The following SUDS3 variants were observed in gnomAD, a reference collection of about 807,000 sequenced individuals.
The protein encoded by SUDS3 is sin3 histone deacetylase corepressor complex component SDS3.
In SUDS3, 23 loss-of-function variants were observed where a neutral mutation model predicts 53.5. That is an observed-to-expected ratio of 0.43 (90% CI 0.31 to 0.61). The LOEUF is 0.61. Among genes scored for constraint, SUDS3 ranks in the 20% least tolerant of loss-of-function variants. The pLI is 0.10. For synonymous variants in SUDS3, 150 were observed against 148.5 expected (o/e 1.01, Z -0.08); for missense variants, 291 against 405.9 (o/e 0.72, Z 2.43).
intron 6 of SUDS3, among the ~76,000 whole-genome samples, chr12:118,398,188 C>G (rs1486916810): frequency 1.3e-5 from 2 of 152,188 alleles, no homozygotes; most frequent in Non-Finnish European, 2.9e-5. Flanking sequence ...AGGCACTGTG[C>G]TAAGATTTCA....
chr12:118,406,956 G>C (rs2046313907), intron 10 of SUDS3, among the ~76,000 whole-genome samples: 2 of 151,186 alleles, frequency 1.3e-5, no homozygotes, highest in African/African-American at 4.9e-5. Flanking sequence ...GCATGCAGTG[G>C]TGTGATCATA....
At chr12:118,394,562 G>T (rs538090314) in intron 6 of SUDS3, among the ~76,000 whole-genome samples, 1 of 152,352 alleles carries the variant, frequency 6.6e-6, no homozygotes, top group East Asian at 1.9e-4. Context: ...GATAAAGTCT[G>T]TGTCTTCTAG....
chr12:118,403,823 C>T (rs2046286459), intron 10 of SUDS3, among the ~76,000 whole-genome samples: 1 of 152,026 alleles, frequency 6.6e-6, no homozygotes, highest in African/African-American at 2.4e-5. Flanking sequence ...TGTATGTCCC[C>T]CCTCTGACCC....
At chr12:118,378,769 G>A (rs1049356050) in intron 1 of SUDS3, among the ~76,000 whole-genome samples, 3 of 152,036 alleles carry the variant, frequency 2.0e-5, no homozygotes, top group Non-Finnish European at 2.9e-5. Context: ...TCTGCCTCCC[G>A]AGTTCAAGCA....
chr12:118,380,286 A>G (rs1433990105), intron 2 of SUDS3, 55 bp downstream of exon 2: 18 of 1,461,434 alleles, frequency 1.2e-5, no homozygotes, highest in Non-Finnish European at 1.7e-5. Context: ...ACATCTTTAT[A>G]TAGATTGAGC....
chr12:118,403,972 G>A (rs77734005), intron 10 of SUDS3: 1,778 of 166,994 alleles, frequency 0.011, 29 homozygotes, highest in African/African-American at 0.04. Flanking sequence ...TGGGTCCTGC[G>A]ATATGCTAAT....
In SUDS3 at chr12:118,414,527, C is replaced by T; in HGVS notation, c.*94C>T. 9.9e-7 allele frequency: 1 copy of T among 1,005,238 alleles called. No individual in the cohort carries two copies. The highest frequency in any genetic ancestry group is 1.4e-6 in the Non-Finnish European group (1 of 705,162). The allele number at this position is 1,005,238 out of a possible 1,614,324, so 62.3% of individuals were successfully genotyped here. A position where few individuals can be genotyped will look rare whatever the true frequency, so the allele number is the denominator to read the frequency against. ...TCCTTAATAGAAAAATGTTAACTTA[C>T]TGGGAATAGCTACTCAGCCTTGGAA... On this transcript the variant is annotated 3_prime_UTR_variant, in exon 12 of 12. Coordinates refer to ENST00000543473, the MANE Select transcript of SUDS3 (RefSeq NM_022491.3).
intron 4 of SUDS3, among the ~76,000 whole-genome samples, chr12:118,389,103 C>A (rs932113546): frequency 2.6e-4 from 40 of 152,062 alleles, no homozygotes; most frequent in Non-Finnish European, 4.4e-4. Flanking sequence ...GAGTCGAGAT[C>A]ATGCCACTGC....
intron 1 of SUDS3, among the ~76,000 whole-genome samples, chr12:118,377,694 G>A (rs561938000): frequency 1.3e-5 from 2 of 152,166 alleles, no homozygotes; most frequent in African/African-American, 2.4e-5. Flanking sequence ...GGATGGAGGA[G>A]GAGGAAGGTG....
chr12:118,377,160 A>T (rs1018915742), intron 1 of SUDS3, among the ~76,000 whole-genome samples: 1 of 152,202 alleles, frequency 6.6e-6, no homozygotes, highest in African/African-American at 2.4e-5. Context: ...TACTGAATAC[A>T]TCGAGTGTAG....
chr12:118,381,174 A>G (rs1387596072), intron 2 of SUDS3, among the ~76,000 whole-genome samples: 1 of 150,876 alleles, frequency 6.6e-6, no homozygotes, highest in East Asian at 2.0e-4. Flanking sequence ...CAGGCTGCTG[A>G]CTCTTATTTA....
chr12:118,399,528 A>G (rs376644829), intron 6 of SUDS3, among the ~76,000 whole-genome samples: 1 of 151,952 alleles, frequency 6.6e-6, no homozygotes, highest in South Asian at 2.1e-4. Flanking sequence ...TTTAGTAACA[A>G]GAGTGATACA....
At chr12:118,402,405 C>G (rs2046271180) in intron 9 of SUDS3, 1 of 217,618 alleles carries the variant, frequency 4.6e-6, no homozygotes, top group East Asian at 1.2e-4. Context: ...TGGCCTGACT[C>G]TGGTAAGGCA....
rs1207371772 is a variant in SUDS3, at chr12:118,376,841, C to G, written c.142+8C>G. The G allele has an allele frequency of 2.0e-6, 3 of 1,516,410 alleles. No homozygotes were observed. The highest frequency in any genetic ancestry group is 2.6e-5 in the East Asian group (1 of 38,464). The allele number at this position is 1,516,410 out of a possible 1,614,324, so 93.9% of individuals were successfully genotyped here. A position where few individuals can be genotyped will look rare whatever the true frequency, so the allele number is the denominator to read the frequency against. On this transcript the variant is annotated splice_region_variant and intron_variant, in intron 1 of 11. Transcript: ENST00000543473. Reference sequence around the variant, plus strand: ...GCCGCGAGTCGGACGAAGGTGAGTCCTGCCGCTCGCCCGGCCGCCCGGAGC... The same window carrying G: ...GCCGCGAGTCGGACGAAGGTGAGTCGTGCCGCTCGCCCGGCCGCCCGGAGC...
chr12:118,383,921 A>G (rs571261350), intron 2 of SUDS3, 91 bp from the exon 3 acceptor site: 7 of 1,237,198 alleles, frequency 5.7e-6, no homozygotes, highest in Non-Finnish European at 8.1e-6. Flanking sequence ...TGACCTTCCC[A>G]TAACAGCCCA....
rs890632591 is a variant in SUDS3 at position 118,414,231 on chromosome 12, C to T, written c.889-104C>T. The T allele has an allele frequency of 6.1e-6, 5 of 822,576 alleles. No homozygotes were observed. The African/African-American group carries it at 8.7e-5, about 14-fold the overall frequency. The allele number at this position is 822,576 out of a possible 1,614,324, so 51.0% of individuals were successfully genotyped here. ...ACAGTTTATTCCAGCAAGAGGCTAC[C>T]AGCCTTCTGCTTGCATCTCACTCGT... On this transcript the variant is annotated intron_variant, in intron 11 of 11. Transcript: ENST00000543473.
At chr12:118,378,100 C>A (rs528344721) in intron 1 of SUDS3, among the ~76,000 whole-genome samples, 1 of 152,130 alleles carries the variant, frequency 6.6e-6, no homozygotes, top group African/African-American at 2.4e-5. Context: ...GCTGTGGAGC[C>A]AAAATTGAGT....
At chr12:118,378,385 A>G (rs1444033796) in intron 1 of SUDS3, among the ~76,000 whole-genome samples, 4 of 152,162 alleles carry the variant, frequency 2.6e-5, no homozygotes, top group Non-Finnish European at 4.4e-5. Context: ...TTGGATCTGT[A>G]CTGAACATGT....
In SUDS3 at chr12:118,411,125, A is replaced by G; in HGVS notation, c.856A>G (p.Ser286Gly). Residue 286 changes from serine to glycine, a missense_variant, in exon 11 of 12, where the codon AGC becomes GGC. Physicochemically the swap from Ser to Gly is moderately conservative, Grantham distance 56 (BLOSUM62 0). Transcript: ENST00000543473. ...GGAGTCAAAGGACAACCAGAAACTGAGCTGCGTGATCAGTTCTGTAGGAGC... is the reference window on the plus strand; with the variant it reads ...GGAGTCAAAGGACAACCAGAAACTGGGCTGCGTGATCAGTTCTGTAGGAGC... ...YLESKDNQKL[S>G]CVISSVGANE... 6.2e-7 allele frequency: 1 copy of G among 1,602,772 alleles called. No individual in the cohort carries two copies. Among genetic ancestry groups the G allele is most frequent in the Non-Finnish European group, 8.5e-7 (1 of 1,174,724 alleles).
Sources: gnomAD v4.1 joint callset for allele counts (sites outside exome capture counted in the v4.1 genomes callset) on GRCh38, gnomAD v4.1.1 for gene constraint, MANE v1.5 for transcripts, NCBI Gene and HGNC (gene_info 2026-07-23, HGNC 2026-07-21) for gene names.